DTWD2: variants seen among roughly 807,000 people sequenced by gnomAD.
DTWD2 encodes the protein DTW motif tRNA-uridine aminocarboxypropyltransferase 2.
DTWD2 carries 39 observed loss-of-function variants against 31.8 expected under a neutral mutation model. The ratio of observed to expected loss-of-function variants is 1.22; its 90% CI spans 0.95 to 1.60. The LOEUF is 1.60. DTWD2 is among the 40% of genes most tolerant of loss of function. DTWD2 has a pLI of 0.00. For missense variants in DTWD2, 515 were observed against 381.5 expected (o/e 1.35, Z -2.92); for synonymous variants, 180 against 142.8 (o/e 1.26, Z -1.86).
intron 1 of DTWD2, among the ~76,000 whole-genome samples, chr5:118,946,350 C>T (rs1263663434): frequency 2.0e-5 from 3 of 151,998 alleles, no homozygotes; most frequent in African/African-American, 4.8e-5. Flanking sequence ...GGAGTAAACA[C>T]AAAAGAGGGA....
At position 118,939,298 on chromosome 5, in the gene DTWD2, T is replaced by TA. The variant is rs746878390; in HGVS notation, c.310-9dup. On this transcript the variant is annotated splice_polypyrimidine_tract_variant and intron_variant, in intron 2 of 5. Transcript: ENST00000510708. ...ACGCAACACTTTGTTTTCCTTTAATTAAAAAATGAATTGAAACATAGATTT... is the reference window on the plus strand; with the variant it reads ...ACGCAACACTTTGTTTTCCTTTAATTAAAAAAATGAATTGAAACATAGATTT... The TA allele has an allele frequency of 6.4e-7, 1 of 1,553,814 alleles. No individual in the cohort carries two copies. The highest frequency in any genetic ancestry group is 2.0e-5 in the Admixed American group (1 of 50,280).
chr5:118,924,455 G>A (rs961891880), intron 4 of DTWD2, among the ~76,000 whole-genome samples: 1 of 152,104 alleles, frequency 6.6e-6, no homozygotes, highest in East Asian at 1.9e-4. Context: ...AATTCTGTCA[G>A]TTACCCATGA....
intron 4 of DTWD2, among the ~76,000 whole-genome samples, chr5:118,850,318 A>AAC (rs2112678399): frequency 6.7e-6 from 1 of 148,446 alleles, no homozygotes; most frequent in African/African-American, 2.5e-5. Context: ...ACAAAAAAAA[A>AAC]AAAAAAAAAA....
chr5:118,844,959 C>T (rs1381400367), intron 5 of DTWD2, among the ~76,000 whole-genome samples: 1 of 151,984 alleles, frequency 6.6e-6, no homozygotes, highest in East Asian at 1.9e-4. Flanking sequence ...CAACTTGAGA[C>T]TCCCCCCGCC....
intron 1 of DTWD2, among the ~76,000 whole-genome samples, chr5:118,958,735 A>G (rs1189235709): frequency 6.6e-6 from 1 of 152,220 alleles, no homozygotes; most frequent in Non-Finnish European, 1.5e-5. Context: ...CAGCACATCA[A>G]AAACAAATTC....
intron 4 of DTWD2, among the ~76,000 whole-genome samples, chr5:118,884,033 A>C (rs1752801319): frequency 6.6e-6 from 1 of 152,184 alleles, no homozygotes; most frequent in South Asian, 2.1e-4. Context: ...CTGTAGATAC[A>C]ATTTTGCAGT....
At chr5:118,852,804 T>C (rs182613591) in intron 4 of DTWD2, among the ~76,000 whole-genome samples, 36 of 152,130 alleles carry the variant, frequency 2.4e-4, no homozygotes, top group Admixed American at 2.3e-3. Context: ...CTATTCACAA[T>C]AGCAAAGGCA....
At chr5:118,866,386 C>T (rs1752381320) in intron 4 of DTWD2, among the ~76,000 whole-genome samples, 1 of 152,060 alleles carries the variant, frequency 6.6e-6, no homozygotes, top group Admixed American at 6.6e-5. Flanking sequence ...ATACTATTTC[C>T]CACAAGAAAG....
At chr5:118,917,836 G>A (rs747477247) in intron 4 of DTWD2, among the ~76,000 whole-genome samples, 2 of 151,998 alleles carry the variant, frequency 1.3e-5, no homozygotes, top group African/African-American at 2.4e-5. Context: ...GTAGTAGTGC[G>A]TGACTATAAT....
chr5:118,932,458 T>G (rs1263123540), intron 3 of DTWD2, among the ~76,000 whole-genome samples: 1 of 151,556 alleles, frequency 6.6e-6, no homozygotes, highest in Non-Finnish European at 1.5e-5. Flanking sequence ...AAAAAATCAA[T>G]GAAATCAAAA....
chr5:118,936,040 A>G (rs923632564), intron 3 of DTWD2, among the ~76,000 whole-genome samples: 1 of 152,228 alleles, frequency 6.6e-6, no homozygotes, highest in Admixed American at 6.5e-5. Context: ...ATCACAGAGT[A>G]TAAACAAATA....
At chr5:118,864,009 C>T (rs576345099) in intron 4 of DTWD2, among the ~76,000 whole-genome samples, 7 of 150,358 alleles carry the variant, frequency 4.7e-5, no homozygotes, top group African/African-American at 7.5e-5. Context: ...TCTTACTCTC[C>T]GGCCTCTTTT....
intron 4 of DTWD2, among the ~76,000 whole-genome samples, chr5:118,916,871 T>C (rs1269768260): frequency 6.6e-6 from 1 of 152,146 alleles, no homozygotes; most frequent in Non-Finnish European, 1.5e-5. Context: ...GAGAGTCTAA[T>C]GTCACTAACT....
chr5:118,907,482 G>A (rs1037296083), intron 4 of DTWD2, among the ~76,000 whole-genome samples: 1 of 152,184 alleles, frequency 6.6e-6, no homozygotes, highest in African/African-American at 2.4e-5. Context: ...TGTAAACCCA[G>A]CACTTTGGGA....
chr5:118,922,384 T>C (rs1215949712), intron 4 of DTWD2, among the ~76,000 whole-genome samples: 1 of 152,162 alleles, frequency 6.6e-6, no homozygotes, highest in Non-Finnish European at 1.5e-5. Context: ...CTCTCATACA[T>C]TTAGAGCAAA....
At chr5:118,966,061 T>G (rs914132422) in intron 1 of DTWD2, among the ~76,000 whole-genome samples, 6 of 152,138 alleles carry the variant, frequency 3.9e-5, no homozygotes, top group Non-Finnish European at 5.9e-5. Flanking sequence ...TACCACTATT[T>G]CTCTTGAGAA....
intron 1 of DTWD2, among the ~76,000 whole-genome samples, chr5:118,975,338 C>A (rs1755128173): frequency 6.6e-6 from 1 of 152,066 alleles, no homozygotes; most frequent in Admixed American, 6.5e-5. Context: ...CTTGTGTATG[C>A]TTCAAGAAGT....
At position 118,988,314 on chromosome 5, in the gene DTWD2, C is replaced by A. The variant is rs771825191; in HGVS notation, c.198G>T (p.Arg66Ser). Residue 66 changes from arginine to serine, a missense_variant, in exon 1 of 6, where the codon AGG (arginine) becomes AGT (serine). Arg to Ser is a moderately radical substitution (Grantham distance 110, BLOSUM62 -1). Transcript: ENST00000510708. ...GTCACCTGCAGCGGGTGCACTCAGGCCTCCGCTCGGCCGGCTCCACCGGCA... is the reference window on the plus strand; with the variant it reads ...GTCACCTGCAGCGGGTGCACTCAGGACTCCGCTCGGCCGGCTCCACCGGCA... Reference protein sequence around the residue: ...WELPVEPAERRPECTRCSRPQ... With the variant: ...WELPVEPAERSPECTRCSRPQ... 9.2e-6 allele frequency: 14 copies of A among 1,527,566 alleles called. No homozygotes were observed. The highest frequency in any genetic ancestry group is 1.2e-5 in the Non-Finnish European group (14 of 1,141,918). The allele number at this position is 1,527,566 out of a possible 1,614,324, so 94.6% of individuals were successfully genotyped here. A position where few individuals can be genotyped will look rare whatever the true frequency, so the allele number is the denominator to read the frequency against.
chr5:118,854,828 TCTTA>T (rs775754290), intron 4 of DTWD2, among the ~76,000 whole-genome samples: 6 of 152,184 alleles, frequency 3.9e-5, no homozygotes, highest in African/African-American at 1.4e-4. Flanking sequence ...AGTTATACTT[TCTTA>T]AAGATTTTAC....
Sources: allele counts gnomAD v4.1 joint callset (sites outside exome capture counted in the v4.1 genomes callset), GRCh38; gene constraint gnomAD v4.1.1; transcripts MANE v1.5; gene names NCBI Gene and HGNC (gene_info 2026-07-23, HGNC 2026-07-21).